The following HSPA12A variants were observed in gnomAD, a reference collection of about 807,000 sequenced individuals.
HSPA12A encodes heat shock 70 kDa protein 12A.
In HSPA12A, 28 loss-of-function variants were observed where a neutral mutation model predicts 69.2. The ratio of observed to expected loss-of-function variants is 0.40; its 90% confidence interval spans 0.30 to 0.55. The LOEUF (loss-of-function observed/expected upper bound fraction) is 0.55. HSPA12A is among the 20% of genes least tolerant of loss of function. HSPA12A has a pLI of 0.38. For synonymous variants in HSPA12A, 345 were observed against 370.5 expected (o/e 0.93, Z 0.79); for missense variants, 686 against 900.7 (o/e 0.76, Z 3.05).
At chr10:116,767,801 A>T (rs1190116141) in intron 2 of HSPA12A, among the ~76,000 whole-genome samples, 1 of 152,062 alleles carries the variant, frequency 6.6e-6, no homozygotes, top group Non-Finnish European at 1.5e-5. Context: ...GGGCTAATTT[A>T]CCAAGGGCTC....
chr10:116,695,070 C>T (rs1321153263), intron 5 of HSPA12A, among the ~76,000 whole-genome samples: 4 of 152,026 alleles, frequency 2.6e-5, no homozygotes, highest in Non-Finnish European at 4.4e-5. Flanking sequence ...GCCCACGGGC[C>T]CTCTTTCTTC....
chr10:116,675,298 A>T lies in HSPA12A; in HGVS notation c.1511T>A (p.Ile504Asn). 3 of 1,613,430 alleles carry T rather than the reference A, an allele frequency of 1.9e-6. No individual in the cohort carries two copies. Among genetic ancestry groups the T allele is most frequent in the Non-Finnish European group, 2.5e-6 (3 of 1,180,028 alleles). The change falls in exon 12 of 12, where the codon ATC (isoleucine) becomes AAC (asparagine). Residue 504 changes from isoleucine to asparagine, a missense_variant. Ile to Asn is a moderately radical substitution (Grantham distance 149). Transcript: ENST00000369209. The surrounding 1 kb of genome is among the most constrained non-coding windows in gnomAD (Gnocchi z 5.2). The part of the protein sequence containing the change: ...VQAAFGDQCR[I>N]IIPQDVGLTI... Reference sequence around the variant, plus strand: ...GAGGCCCACGTCCTGGGGGATGATGATCCGGCACTGGTCCCCAAAAGCAGC... The same window carrying T: ...GAGGCCCACGTCCTGGGGGATGATGTTCCGGCACTGGTCCCCAAAAGCAGC...
intron 1 of HSPA12A, among the ~76,000 whole-genome samples, chr10:116,734,309 A>G (rs1237051356): frequency 1.3e-5 from 2 of 151,936 alleles, no homozygotes; most frequent in African/African-American, 4.8e-5. Context: ...AATTAGCTGG[A>G]CATGGTGGCA....
At chr10:116,692,681 C>T (rs1467362354) in intron 5 of HSPA12A, among the ~76,000 whole-genome samples, 4 of 152,064 alleles carry the variant, frequency 2.6e-5, no homozygotes, top group South Asian at 2.1e-4. Context: ...TGAATGGGAC[C>T]GTGGGCTGGA....
At chr10:116,820,639 G>C (rs1845394789) in intron 2 of HSPA12A, among the ~76,000 whole-genome samples, 2 of 152,004 alleles carry the variant, frequency 1.3e-5, no homozygotes, top group African/African-American at 2.4e-5. Flanking sequence ...CTGTGGCTCT[G>C]AATGTGACAA....
At chr10:116,685,974 CG>C (rs1296522890) in intron 6 of HSPA12A, among the ~76,000 whole-genome samples, 1 of 152,192 alleles carries the variant, frequency 6.6e-6, no homozygotes, top group Admixed American at 6.5e-5. Flanking sequence ...GCCAACCACC[CG>C]GGCAGCATCA....
At chr10:116,750,534 C>A in intron 2 of HSPA12A, 2 of 402,946 alleles carry the variant, frequency 5.0e-6, no homozygotes, top group South Asian at 2.6e-5. Context: ...CATTTCCTAA[C>A]AGAAGAAGAT....
At chr10:116,720,232 C>G (rs2133022377) in intron 1 of HSPA12A, among the ~76,000 whole-genome samples, 1 of 152,332 alleles carries the variant, frequency 6.6e-6, no homozygotes, top group East Asian at 1.9e-4. Flanking sequence ...TGGGAATGGA[C>G]TCAGTCACCG....
intron 1 of HSPA12A, among the ~76,000 whole-genome samples, chr10:116,715,008 G>C (rs1564792337): frequency 6.6e-6 from 1 of 152,184 alleles, no homozygotes; most frequent in African/African-American, 2.4e-5. Flanking sequence ...AGTTCCTGGT[G>C]ATCAACTGGA....
chr10:116,759,759 G>A (rs192931488), intron 2 of HSPA12A, among the ~76,000 whole-genome samples: 472 of 152,216 alleles, frequency 3.1e-3, no homozygotes, highest in Non-Finnish European at 5.3e-3. Context: ...TTAAATCGTA[G>A]CTCCCACAAT....
chr10:116,717,272 G>A (rs1366221948), intron 1 of HSPA12A, among the ~76,000 whole-genome samples: 1 of 152,168 alleles, frequency 6.6e-6, no homozygotes, highest in Non-Finnish European at 1.5e-5. Flanking sequence ...CGTTCCCAGT[G>A]CCACTAAGGC....
At position 116,675,433 on chromosome 10, in the gene HSPA12A, G is replaced by A. The variant is rs782421742; in HGVS notation, c.1391-15C>T. 4 of 1,557,260 alleles carry A rather than the reference G, an allele frequency of 2.6e-6. No individual in the cohort carries two copies. Among genetic ancestry groups the A allele is most frequent in the South Asian group, 2.4e-5 (2 of 82,410 alleles). ...AAACAGGTCCCCTGGAAGGGAAGAG[G>A]CAGGGAGAATGTCCTGTCACCAAAA... On this transcript the variant is annotated splice_polypyrimidine_tract_variant and intron_variant, in intron 11 of 11. Transcript: ENST00000369209. The surrounding 1 kb of genome is among the most constrained non-coding windows in gnomAD (Gnocchi z 5.2).
chr10:116,753,512 G>C lies in HSPA12A; in HGVS notation c.92-46227C>G, dbSNP rs552526447. 5.3e-5 allele frequency among the ~76,000 whole-genome samples: 8 copies of C among 152,298 alleles called. No homozygotes were observed. The East Asian group carries it at 1.5e-3, about 29-fold the overall frequency. The stretch of plus-strand genomic sequence containing the variant: ...CCAGTCTCCCCATCTGTAGAATGAG[G>C]ACAAAAATCATACTTATTCTTCCTG... On this transcript the variant is annotated intron_variant, in intron 2 of 12. Transcript: ENST00000635765.
At chr10:116,699,032 G>A (rs1850001062) in intron 4 of HSPA12A, among the ~76,000 whole-genome samples, 1 of 152,160 alleles carries the variant, frequency 6.6e-6, no homozygotes. Flanking sequence ...AGGGGCAACA[G>A]TAGAAGTCAG....
At chr10:116,726,383 A>T (rs1300148774) in intron 1 of HSPA12A, among the ~76,000 whole-genome samples, 1 of 149,626 alleles carries the variant, frequency 6.7e-6, no homozygotes, top group Non-Finnish European at 1.5e-5. Flanking sequence ...TGCTCACTCT[A>T]CCTCTCTCCC....
Position 116,764,643 on chromosome 10 carries a change from CTTATGATGTCTTTTTATAGTTT to C in HSPA12A, c.92-57380_92-57359del, listed in dbSNP as rs538788457. The stretch of plus-strand genomic sequence containing the variant: ...AGGGATGGGGATGATGGTGAGACAT[CTTATGATGTCTTTTTATAGTTT>C]TTATATCTTTTTATACAGTTTTGAC... On this transcript the variant is annotated intron_variant, in intron 2 of 12. Transcript: ENST00000635765. 3.1e-4 allele frequency among the ~76,000 whole-genome samples: 47 copies of C among 152,244 alleles called. No individual in the cohort carries two copies. In the East Asian group the frequency reaches 6.8e-3, roughly 22 times the overall value.
chr10:116,764,986 C>G (rs916662391), intron 2 of HSPA12A, among the ~76,000 whole-genome samples: 7 of 152,122 alleles, frequency 4.6e-5, no homozygotes, highest in African/African-American at 1.7e-4. Context: ...TGAAACTATT[C>G]TTTTGTGTAG....
In HSPA12A at chr10:116,742,501, T is replaced by G. The variant is rs1554887351; in HGVS notation, c.-32A>C. 13 of 1,285,460 alleles carry G rather than the reference T, an allele frequency of 1.0e-5. No homozygotes were observed. The South Asian group carries it at 2.5e-4, about 25-fold the overall frequency. The allele number at this position is 1,285,460 out of a possible 1,614,324, so 79.6% of individuals were successfully genotyped here. A position where few individuals can be genotyped will look rare whatever the true frequency, so the allele number is the denominator to read the frequency against. On this transcript the variant is annotated 5_prime_UTR_variant, in exon 1 of 12. Transcript: ENST00000369209. ...GCAGCCCCGGACCGCGAGGGGAGCC[T>G]CCAGCGCAGCGCCCGTGCCCGTGCG...
chr10:116,774,992 G>C (rs1255167886), intron 2 of HSPA12A, among the ~76,000 whole-genome samples: 6 of 137,764 alleles, frequency 4.4e-5, no homozygotes, highest in African/African-American at 1.6e-4. Flanking sequence ...GCTCCCAACT[G>C]TGCTGCTTTG....
Sources: allele counts gnomAD v4.1 joint callset (sites outside exome capture counted in the v4.1 genomes callset), GRCh38; gene constraint gnomAD v4.1.1; non-coding constraint Gnocchi (gnomAD v3.1); transcripts MANE v1.5; gene names NCBI Gene and HGNC (gene_info 2026-07-23, HGNC 2026-07-21).